ARMC2: variants seen among roughly 807,000 people sequenced by gnomAD.
The protein encoded by ARMC2 is armadillo repeat-containing protein 2.
In ARMC2, 67 loss-of-function variants were observed where a neutral mutation model predicts 90.3. The ratio of observed to expected loss-of-function variants is 0.74; its 90% CI spans 0.61 to 0.91. The LOEUF (loss-of-function observed/expected upper bound fraction) is 0.91, where lower values mean the gene tolerates loss of function less well. Among genes scored for constraint, ARMC2 ranks in the 40% least tolerant of loss-of-function variants. The probability of loss-of-function intolerance (pLI) is 0.00; values close to 1 mark genes in which losing one functional copy is unlikely to be tolerated. For missense variants in ARMC2, 920 were observed against 1,030.9 expected (o/e 0.89, Z 1.47); for synonymous variants, 393 against 393.0 (o/e 1.00, Z 0.00).
chr6:108,966,222 C>T (rs529080096), intron 17 of ARMC2, among the ~76,000 whole-genome samples: 6 of 151,172 alleles, frequency 4.0e-5, no homozygotes, highest in Non-Finnish European at 8.8e-5. Context: ...GCTTAACAGA[C>T]ACCTTTCCTT....
At chr6:109,042,109 G>A in the ARMC2 span, among the ~76,000 whole-genome samples, 7 of 152,100 alleles carry the variant, frequency 4.6e-5, no homozygotes, top group Non-Finnish European at 4.4e-5. Flanking sequence ...AATAATTCAT[G>A]AGTGAAAGAG....
chr6:108,928,941 G>A (rs1775312084), intron 11 of ARMC2, among the ~76,000 whole-genome samples: 2 of 152,024 alleles, frequency 1.3e-5, no homozygotes. Context: ...CTTGACCCCA[G>A]GACCCCTGTA....
intron 1 of ARMC2, among the ~76,000 whole-genome samples, chr6:108,849,697 AT>A (rs1172198952): frequency 6.6e-6 from 1 of 152,244 alleles, no homozygotes; most frequent in African/African-American, 2.4e-5. Context: ...ATATTTTAAA[AT>A]GTTAACATTT....
At chr6:108,970,937 C>A (rs1367411807) in intron 17 of ARMC2, among the ~76,000 whole-genome samples, 1 of 152,130 alleles carries the variant, frequency 6.6e-6, no homozygotes, top group Non-Finnish European at 1.5e-5. Flanking sequence ...AATGTGAAAT[C>A]ACTGGCTGGG....
chr6:108,881,934 TAATA>T (rs774057595), intron 5 of ARMC2, among the ~76,000 whole-genome samples: 12 of 152,124 alleles, frequency 7.9e-5, no homozygotes, highest in Non-Finnish European at 1.5e-4. Flanking sequence ...TATTCAGCGT[TAATA>T]AATAAATGGC....
At chr6:109,026,873 C>T in the ARMC2 span, among the ~76,000 whole-genome samples, 15 of 151,974 alleles carry the variant, frequency 9.9e-5, no homozygotes, top group African/African-American at 3.6e-4. Context: ...TATCACCCAT[C>T]AGTGTATAAG....
chr6:108,885,661 G>C (rs543788343), intron 5 of ARMC2, among the ~76,000 whole-genome samples: 4 of 149,672 alleles, frequency 2.7e-5, no homozygotes, highest in Admixed American at 1.3e-4. Context: ...GTGACAGAGT[G>C]AGACTCTGTC....
chr6:108,849,849 T>C (rs898518396), intron 1 of ARMC2, among the ~76,000 whole-genome samples: 1 of 152,264 alleles, frequency 6.6e-6, no homozygotes, highest in African/African-American at 2.4e-5. Flanking sequence ...TTGCCTAAGG[T>C]CACATGGCTG....
At chr6:109,039,324 T>C in the ARMC2 span, among the ~76,000 whole-genome samples, 16 of 152,264 alleles carry the variant, frequency 1.1e-4, no homozygotes, top group Non-Finnish European at 1.0e-4. Flanking sequence ...TAAGTCATAA[T>C]AGCTTATTAA....
the ARMC2 span, among the ~76,000 whole-genome samples, chr6:108,991,612 G>A: frequency 6.6e-6 from 1 of 152,196 alleles, no homozygotes; most frequent in South Asian, 2.1e-4. Flanking sequence ...CTGCCTTTTA[G>A]CCCTATTAAC....
chr6:108,973,504 C>T lies in ARMC2; in HGVS notation c.2594C>T (p.Pro865Leu), dbSNP rs1228116734. 7 of 1,611,842 alleles carry T rather than the reference C, an allele frequency of 4.3e-6. No individual in the cohort carries two copies. The highest frequency in any genetic ancestry group is 5.9e-6 in the Non-Finnish European group (7 of 1,178,626). The change falls in exon 18 of 18, where the codon CCC becomes CTC. Residue 865 changes from proline to leucine, a missense_variant. Coordinates refer to ENST00000392644, the MANE Select transcript of ARMC2 (RefSeq NM_032131.6). ...ACCTTCCTGGAACCCCTGCCCATTC[C>T]CTCTTTCTAACATGATGCAGATTAA... The part of the protein sequence containing the change: ...HHTFLEPLPI[P>L]SF
intron 5 of ARMC2, among the ~76,000 whole-genome samples, chr6:108,890,885 C>T (rs1486873581): frequency 1.3e-5 from 2 of 152,120 alleles, no homozygotes; most frequent in Admixed American, 6.5e-5. Flanking sequence ...AGGTATTTCT[C>T]CTAATGCTAT....
chr6:109,009,554 G>A, the ARMC2 span: 2 of 986,892 alleles, frequency 2.0e-6, no homozygotes, highest in East Asian at 6.0e-5. Flanking sequence ...AGCACGGACG[G>A]CGGGGGGGCG....
the ARMC2 span, among the ~76,000 whole-genome samples, chr6:108,980,813 C>G: frequency 1.3e-5 from 2 of 152,178 alleles, no homozygotes; most frequent in Admixed American, 1.3e-4. Context: ...TCTCTTGAAC[C>G]TCGGAGGTGG....
chr6:108,989,446 C>T, the ARMC2 span, among the ~76,000 whole-genome samples: 26,844 of 147,192 alleles, frequency 0.18, 2,749 homozygotes, highest in African/African-American at 0.29. Flanking sequence ...GATCTAGATA[C>T]ATCTCTATAT....
chr6:108,888,182 C>T (rs1354867068), intron 5 of ARMC2, among the ~76,000 whole-genome samples: 1 of 152,178 alleles, frequency 6.6e-6, no homozygotes, highest in Non-Finnish European at 1.5e-5. Flanking sequence ...TTTGAAACCG[C>T]ATCATGTGAG....
the ARMC2 span, chr6:108,988,643 C>T: frequency 7.5e-6 from 12 of 1,610,484 alleles, no homozygotes; most frequent in South Asian, 5.5e-5. Context: ...TTTAAAGCTA[C>T]GATCCAATAG....
In ARMC2 at chr6:108,964,780, ACT is replaced by A. The variant is rs1480787046; in HGVS notation, c.2286-197_2286-196del. 2.6e-5 allele frequency among the ~76,000 whole-genome samples: 4 copies of A among 151,302 alleles called. No homozygotes were observed. The East Asian group carries it at 5.8e-4, about 22-fold the overall frequency. ...ACTTCAGCCTGGGCAACAGAGTGAG[ACT>A]CTGTCTCAAAAAAAAAAAGGTGTAG... is the stretch of plus-strand genomic sequence containing the variant. On this transcript the variant is annotated intron_variant, in intron 16 of 17. Coordinates refer to ENST00000392644, the MANE Select transcript of ARMC2 (RefSeq NM_032131.6).
intron 13 of ARMC2, among the ~76,000 whole-genome samples, chr6:108,957,766 T>A (rs114397193): frequency 2.0e-5 from 3 of 152,208 alleles, no homozygotes; most frequent in Admixed American, 6.5e-5. Context: ...CCTCTCAGTA[T>A]GCCACCAGAC....
Sources: gnomAD v4.1 joint callset for allele counts (sites outside exome capture counted in the v4.1 genomes callset) on GRCh38, gnomAD v4.1.1 for gene constraint, MANE v1.5 for transcripts, NCBI Gene and HGNC (gene_info 2026-07-23, HGNC 2026-07-21) for gene names.